The following IFRD1 variants were observed in gnomAD, a reference collection of about 807,000 sequenced individuals.
IFRD1 encodes the protein interferon related developmental regulator 1, also known as interferon-related developmental regulator 1.
A neutral mutation model predicts 52.9 loss-of-function variants in IFRD1; 35 were observed. The observed-to-expected ratio is 0.66, with a 90% CI of 0.51 to 0.88. The LOEUF is 0.88. Among genes scored for constraint, IFRD1 ranks in the 40% least tolerant of loss-of-function variants. The probability of loss-of-function intolerance (pLI) is 0.00; values close to 1 mark genes in which losing one functional copy is unlikely to be tolerated. For synonymous variants in IFRD1, 184 were observed against 188.4 expected, an observed-to-expected ratio of 0.98 and a Z score of 0.19; for missense variants, 517 against 550.8, an observed-to-expected ratio of 0.94 and a Z score of 0.61.
chr7:112,429,117 GC>G lies in IFRD1; in HGVS notation c.-182+5687del, dbSNP rs1794492452. 1.3e-5 allele frequency among the ~76,000 whole-genome samples: 2 copies of G among 152,168 alleles called. 1 individual carries two copies. The highest frequency in any genetic ancestry group is 4.1e-4 in the South Asian group (2 of 4,820). On this transcript the variant is annotated intron_variant, in intron 1 of 12. Coordinates refer to the IFRD1 transcript ENST00000005558. ...CTTAGACCTATCTACCAATTGAGTT[GC>G]CTTAGTTGCAATTACTCCGTTGTAC...
At chr7:112,461,425 A>AG (rs1795429580) in intron 5 of IFRD1, 1 of 153,520 alleles carries the variant, frequency 6.5e-6, no homozygotes, top group Non-Finnish European at 1.4e-5. Context: ...TTGAAGTTTA[A>AG]TGATCTAGTA....
chr7:112,450,224 C>T (rs12531101), upstream of IFRD1: 27,321 of 167,806 alleles, frequency 0.16, 2,471 homozygotes, highest in South Asian at 0.29. Flanking sequence ...GGGAGGAGGC[C>T]CCGGCCCCAG....
chr7:112,475,687 A>G lies in IFRD1; in HGVS notation c.*168A>G. ...ATACTATTGAAACTGGTGAGTTCTGATTATTAAATATTCTCTGTAAATCAG... is the reference window on the plus strand; with the variant it reads ...ATACTATTGAAACTGGTGAGTTCTGGTTATTAAATATTCTCTGTAAATCAG... On this transcript the variant is annotated 3_prime_UTR_variant, in exon 12 of 12. Transcript: ENST00000403825. 2 of 580,224 alleles carry G rather than the reference A, an allele frequency of 3.4e-6. No homozygotes were observed. The highest frequency in any genetic ancestry group is 6.0e-6 in the Non-Finnish European group (2 of 331,346). The allele number at this position is 580,224 out of a possible 1,614,324, so 35.9% of individuals were successfully genotyped here.
chr7:112,474,708 C>T (rs541374341), intron 11 of IFRD1, among the ~76,000 whole-genome samples: 5 of 152,260 alleles, frequency 3.3e-5, no homozygotes, highest in African/African-American at 1.2e-4. Context: ...AAAGATTTGA[C>T]ACCATTGAGT....
At chr7:112,458,273 T>G (rs6969214) in intron 4 of IFRD1, 9,238 of 153,430 alleles carry the variant, frequency 0.06, 302 homozygotes, top group South Asian at 0.093. Context: ...ATGTATTTTT[T>G]GTACCACTGC....
Position 112,456,640 on chromosome 7 carries a change from C to G in IFRD1, c.285-274C>G, listed in dbSNP as rs994481819. Among the ~76,000 whole-genome samples the G allele has an allele frequency of 1.2e-4, 18 of 152,036 alleles. 1 individual carries two copies. Among genetic ancestry groups the G allele is most frequent in the Admixed American group, 9.8e-4 (15 of 15,252 alleles). ...ACAATACATTAAAACTATACTTGTACATTGAAACGATAAAATATTATGTAA... is the reference window on the plus strand; with the variant it reads ...ACAATACATTAAAACTATACTTGTAGATTGAAACGATAAAATATTATGTAA... On this transcript the variant is annotated intron_variant, in intron 3 of 11. Coordinates refer to ENST00000403825, the MANE Select transcript of IFRD1 (RefSeq NM_001550.4).
chr7:112,456,150 G>A, intron 3 of IFRD1, 64 bp downstream of exon 3: 1 of 923,432 alleles, frequency 1.1e-6, no homozygotes, highest in Non-Finnish European at 1.8e-6. Flanking sequence ...AAAGCTAAGA[G>A]AAATGATTAT....
intron 4 of IFRD1, chr7:112,457,374 T>TA: frequency 2.4e-6 from 1 of 411,646 alleles, no homozygotes. Flanking sequence ...CCCTTGCACT[T>TA]ATATAAAACA....
intron 4 of IFRD1, chr7:112,458,065 A>G (rs1795338655): frequency 6.6e-6 from 1 of 152,306 alleles, no homozygotes; most frequent in African/African-American, 2.4e-5. Flanking sequence ...AGATAACACA[A>G]TGGCGCTATT....
chr7:112,458,972 A>C lies in IFRD1; in HGVS notation c.521A>C (p.Lys174Thr). Residue 174 changes from lysine (K) to threonine (T), a missense_variant, in exon 5 of 12, where the codon AAG becomes ACG. Coordinates refer to ENST00000403825, the MANE Select transcript of IFRD1 (RefSeq NM_001550.4). Reference sequence around the variant, plus strand: ...TTGAAAACTCTTGGACCAATCCTAAAGAAAATCATTTGTGATGGGTCAGCT... The same window carrying C: ...TTGAAAACTCTTGGACCAATCCTAACGAAAATCATTTGTGATGGGTCAGCT... ...EILKTLGPIL[K>T]KIICDGSASM... 1 of 1,614,038 alleles carries C rather than the reference A, an allele frequency of 6.2e-7. No homozygotes were observed. The highest frequency in any genetic ancestry group is 8.5e-7 in the Non-Finnish European group (1 of 1,179,926).
chr7:112,462,803 C>T (rs1003534772), intron 8 of IFRD1, among the ~76,000 whole-genome samples: 6 of 141,746 alleles, frequency 4.2e-5, no homozygotes, highest in Non-Finnish European at 9.1e-5. Context: ...AGTAACTTCT[C>T]TAAGCCAAAG....
upstream of IFRD1, among the ~76,000 whole-genome samples, chr7:112,448,320 G>A (rs1795076829): frequency 6.6e-6 from 1 of 152,192 alleles, no homozygotes; most frequent in African/African-American, 2.4e-5. Flanking sequence ...GGATGTGAAG[G>A]GATTTGGAAA....
At chr7:112,472,901 A>G (rs1184900132) in intron 11 of IFRD1, 40 bp downstream of exon 11, 1 of 1,398,148 alleles carries the variant, frequency 7.2e-7, no homozygotes, top group Admixed American at 1.7e-5. Flanking sequence ...TAAGTGCGCC[A>G]AAGCTTTGAT....
intron 1 of IFRD1, among the ~76,000 whole-genome samples, chr7:112,445,386 C>T (rs1318541726): frequency 2.0e-5 from 3 of 152,146 alleles, no homozygotes; most frequent in Non-Finnish European, 2.9e-5. Context: ...TTCATCACAA[C>T]AGACGCACTG....
At chr7:112,462,526 G>C (rs1233895287) in intron 8 of IFRD1, 148 bp downstream of exon 8, 4 of 709,894 alleles carry the variant, frequency 5.6e-6, no homozygotes, top group Non-Finnish European at 1.0e-5. Context: ...GGCAGTGGTG[G>C]TGTAATACTT....
At chr7:112,463,058 A>G (rs1471724151) in intron 8 of IFRD1, among the ~76,000 whole-genome samples, 1 of 152,136 alleles carries the variant, frequency 6.6e-6, no homozygotes, top group Non-Finnish European at 1.5e-5. Context: ...TGTCATCTCT[A>G]TTTTAAGGAT....
chr7:112,458,885 C>T lies in IFRD1; in HGVS notation c.434C>T (p.Ala145Val), dbSNP rs759833191. The change falls in exon 5 of 12, where the codon GCT (alanine) becomes GTT (valine). Residue 145 changes from alanine (A) to valine (V), a missense_variant. Physicochemically the swap from Ala to Val is moderately conservative, Grantham distance 64 (BLOSUM62 0). Coordinates refer to ENST00000403825, the MANE Select transcript of IFRD1 (RefSeq NM_001550.4). ...KKGKSDEQRA[A>V]AALASVLCIQ... is the part of the protein sequence containing the mutation. Reference sequence around the variant, plus strand: ...GGTAAGAGTGATGAGCAACGTGCAGCTGCAGCGTTAGCATCTGTTCTTTGT... The same window carrying T: ...GGTAAGAGTGATGAGCAACGTGCAGTTGCAGCGTTAGCATCTGTTCTTTGT... The T allele has an allele frequency of 6.2e-7, 1 of 1,614,070 alleles. No individual in the cohort carries two copies.
intron 1 of IFRD1, chr7:112,435,725 T>G (rs1794669942): frequency 6.7e-6 from 1 of 150,304 alleles, no homozygotes; most frequent in Non-Finnish European, 1.5e-5. Context: ...CCAGTATAAA[T>G]TCAAGTTGAT....
At chr7:112,467,927 AGGTC>A (rs386716905) in intron 8 of IFRD1, 50 bp from the exon 9 acceptor site, 110,280 of 1,522,932 alleles carry the variant, frequency 0.072, 4,281 homozygotes, top group South Asian at 0.1. Context: ...GCTCTATATG[AGGTC>A]AGAAAAGAAA....
Sources: gnomAD v4.1 joint callset for allele counts (sites outside exome capture counted in the v4.1 genomes callset) on GRCh38, gnomAD v4.1.1 for gene constraint, MANE v1.5 for transcripts, NCBI Gene and HGNC (gene_info 2026-07-23, HGNC 2026-07-21) for gene names.